PADI6: variants seen among roughly 807,000 people sequenced by gnomAD.
PADI6 encodes the protein inactive protein-arginine deiminase type-6.
In PADI6, 66 loss-of-function variants were observed where a neutral mutation model predicts 78.2. The observed-to-expected ratio is 0.84, with a 90% CI of 0.69 to 1.04. PADI6 has a LOEUF of 1.04. Ranked by LOEUF, PADI6 falls within the 50% of genes least tolerant of loss-of-function variation. PADI6 has a pLI of 0.00. For synonymous variants in PADI6, 397 were observed against 346.9 expected, an observed-to-expected ratio of 1.14 and a Z score of -1.60; for missense variants, 854 against 866.1, an observed-to-expected ratio of 0.99 and a Z score of 0.18.
chr1:17,376,485 G>GGCTAATTTTTTTTTATTTTTAGT (rs1250798575), intron 3 of PADI6, among the ~76,000 whole-genome samples: 40 of 134,354 alleles, frequency 3.0e-4, no homozygotes, highest in African/African-American at 1.3e-3. Context: ...TATTTTTAGT[G>GGCTAATTTTTTTTTATTTTTAGT]GGCTAATTTT....
chr1:17,382,220 T>C, intron 6 of PADI6, 128 bp downstream of exon 6: 1 of 1,192,392 alleles, frequency 8.4e-7, no homozygotes, highest in Non-Finnish European at 1.2e-6. Context: ...GATGAGAGGC[T>C]GTTGTGGCTG....
chr1:17,393,816 G>A (rs1275800248), intron 9 of PADI6, among the ~76,000 whole-genome samples, 159 bp from the exon 10 acceptor site: 1 of 152,122 alleles, frequency 6.6e-6, no homozygotes, highest in Admixed American at 6.6e-5. Context: ...GGGGAGAGAG[G>A]GATCGGAGAG....
chr1:17,388,190 G>T (rs866568094), intron 6 of PADI6, among the ~76,000 whole-genome samples, 191 bp from the exon 7 acceptor site: 2 of 152,232 alleles, frequency 1.3e-5, no homozygotes, highest in Non-Finnish European at 2.9e-5. Flanking sequence ...GCCATTGCTT[G>T]TGTATGAACA....
At chr1:17,380,058 C>A in intron 4 of PADI6, 71 bp downstream of exon 4, 1 of 1,480,340 alleles carries the variant, frequency 6.8e-7, no homozygotes, top group South Asian at 1.1e-5. Context: ...CTCACTTGAT[C>A]TGACCTTCCT....
At chr1:17,379,512 C>T (rs542508247) in intron 3 of PADI6, among the ~76,000 whole-genome samples, 1 of 152,326 alleles carries the variant, frequency 6.6e-6, no homozygotes. Flanking sequence ...CCACCTCAGT[C>T]TCCCAGTGTT....
intron 6 of PADI6, among the ~76,000 whole-genome samples, chr1:17,385,135 G>A (rs1259874361): frequency 6.6e-6 from 1 of 152,204 alleles, no homozygotes; most frequent in African/African-American, 2.4e-5. Flanking sequence ...CAAGGCAGGA[G>A]GATCACCTTT....
intron 8 of PADI6, among the ~76,000 whole-genome samples, chr1:17,389,940 GT>G (rs1028134944): frequency 6.6e-6 from 1 of 152,032 alleles, no homozygotes; most frequent in African/African-American, 2.4e-5. Flanking sequence ...AGGCTTTTTT[GT>G]TTTTTTAAGG....
intron 6 of PADI6, among the ~76,000 whole-genome samples, chr1:17,382,803 T>C (rs1444865744): frequency 6.6e-6 from 1 of 152,230 alleles, no homozygotes; most frequent in African/African-American, 2.4e-5. Flanking sequence ...TTTTCCCCTT[T>C]GAGTCAAGGT....
At chr1:17,392,035 C>T in intron 8 of PADI6, 79 bp from the exon 9 acceptor site, 2 of 1,209,662 alleles carry the variant, frequency 1.7e-6, no homozygotes, top group South Asian at 1.3e-5. Context: ...ATGTGTTCTT[C>T]CTCTCTTGGC....
At chr1:17,396,783 C>A (rs185191867) in intron 13 of PADI6, among the ~76,000 whole-genome samples, 1 of 152,244 alleles carries the variant, frequency 6.6e-6, no homozygotes, top group Non-Finnish European at 1.5e-5. Context: ...TCCTAACAAG[C>A]TCTAGGCTGT....
At chr1:17,390,067 G>A (rs567757919) in intron 8 of PADI6, among the ~76,000 whole-genome samples, 1 of 152,350 alleles carries the variant, frequency 6.6e-6, no homozygotes, top group African/African-American at 2.4e-5. Context: ...GGGAGGCCGA[G>A]GCAGGAGGAT....
chr1:17,390,297 C>G (rs1049667548), intron 8 of PADI6, among the ~76,000 whole-genome samples: 2 of 151,066 alleles, frequency 1.3e-5, no homozygotes, highest in African/African-American at 4.9e-5. Context: ...GCGAAACTGT[C>G]TCAAAAACAA....
chr1:17,390,939 C>T (rs961869386), intron 8 of PADI6, among the ~76,000 whole-genome samples: 6 of 152,176 alleles, frequency 3.9e-5, no homozygotes, highest in African/African-American at 9.7e-5. Context: ...AAGACTGAGC[C>T]GACACACCCT....
intron 6 of PADI6, among the ~76,000 whole-genome samples, chr1:17,387,681 G>A (rs540557040): frequency 6.6e-6 from 1 of 152,188 alleles, no homozygotes; most frequent in Non-Finnish European, 1.5e-5. Context: ...AATCCAGGAG[G>A]CAAAGCTTAC....
chr1:17,373,514 T>A (rs77141436), intron 2 of PADI6, among the ~76,000 whole-genome samples: 14 of 151,254 alleles, frequency 9.3e-5, no homozygotes, highest in Admixed American at 2.6e-4. Flanking sequence ...TTTTTTTTTT[T>A]GAGTCTCACG....
At chr1:17,379,079 G>A (rs1292266191) in intron 3 of PADI6, among the ~76,000 whole-genome samples, 1 of 151,070 alleles carries the variant, frequency 6.6e-6, no homozygotes, top group African/African-American at 2.4e-5. Flanking sequence ...CAAGAGGCTG[G>A]GACTACAGGT....
chr1:17,379,058 C>T (rs945955412), intron 3 of PADI6, among the ~76,000 whole-genome samples: 16 of 151,678 alleles, frequency 1.1e-4, no homozygotes, highest in Non-Finnish European at 1.5e-4. Context: ...GACACTCCTG[C>T]CTTGGCTTCC....
chr1:17,401,039 G>T (rs984058039), intron 15 of PADI6, among the ~76,000 whole-genome samples, 166 bp from the exon 16 acceptor site: 3 of 152,376 alleles, frequency 2.0e-5, no homozygotes, highest in Non-Finnish European at 4.4e-5. Context: ...TGGCTGTTGA[G>T]AAACAGCCAT....
At position 17,372,198 on chromosome 1, in the gene PADI6, G is replaced by C. The variant is rs1286886995; in HGVS notation, c.-48G>C. On this transcript the variant is annotated 5_prime_UTR_variant, in exon 1 of 16. Coordinates refer to ENST00000619609, the MANE Select transcript of PADI6 (RefSeq NM_207421.4). ...AGGGAAGGGCAGGGTGAGCCCTGGGGCGTCTGAGGCTGCTGTGCTGAGTGA... is the reference window on the plus strand; with the variant it reads ...AGGGAAGGGCAGGGTGAGCCCTGGGCCGTCTGAGGCTGCTGTGCTGAGTGA... 6.5e-7 allele frequency: 1 copy of C among 1,532,514 alleles called. No homozygotes were observed. The highest frequency in any genetic ancestry group is 9.0e-7 in the Non-Finnish European group (1 of 1,106,286). The allele number at this position is 1,532,514 out of a possible 1,614,324, so 94.9% of individuals were successfully genotyped here.
Sources: gnomAD v4.1 joint callset for allele counts (sites outside exome capture counted in the v4.1 genomes callset) on GRCh38, gnomAD v4.1.1 for gene constraint, MANE v1.5 for transcripts, NCBI Gene and HGNC (gene_info 2026-07-23, HGNC 2026-07-21) for gene names.